The following SRGAP3 variants were observed in gnomAD, a reference collection of about 807,000 sequenced individuals.
The protein encoded by SRGAP3 is SLIT-ROBO Rho GTPase-activating protein 3.
Under a neutral mutation model 121.1 loss-of-function variants are expected in SRGAP3, and 39 were observed. The ratio of observed to expected loss-of-function variants is 0.32; its 90% confidence interval spans 0.25 to 0.42. The LOEUF (loss-of-function observed/expected upper bound fraction) is 0.42, where lower values mean the gene tolerates loss of function less well. SRGAP3 is among the 10% of genes least tolerant of loss of function. The probability of loss-of-function intolerance (pLI) is 1.00; values close to 1 mark genes in which losing one functional copy is unlikely to be tolerated. For synonymous variants in SRGAP3, 601 were observed against 570.0 expected (o/e 1.05, Z -0.77); for missense variants, 1,213 against 1,470.6 (o/e 0.82, Z 2.86).
At chr3:9,238,095 A>C (rs964741193) in intron 1 of SRGAP3, among the ~76,000 whole-genome samples, 37 of 152,244 alleles carry the variant, frequency 2.4e-4, no homozygotes, top group African/African-American at 8.7e-4. Flanking sequence ...GTTATACAGA[A>C]CAGCACCTTC....
intron 4 of SRGAP3, among the ~76,000 whole-genome samples, chr3:9,074,612 C>T (rs1214767415): frequency 2.6e-5 from 4 of 152,198 alleles, no homozygotes; most frequent in East Asian, 3.8e-4. Flanking sequence ...TAGAAAGACA[C>T]GCAGTGAGCC....
intron 1 of SRGAP3, among the ~76,000 whole-genome samples, chr3:9,352,328 C>G (rs1411579798): frequency 6.8e-6 from 1 of 146,610 alleles, no homozygotes; most frequent in Non-Finnish European, 1.5e-5. Flanking sequence ...GGCTGAAGCA[C>G]AGTGGCACGA....
Position 8,980,813 on chromosome 3 carries a change from A to G in SRGAP3, c.*4706T>C, listed in dbSNP as rs893540045. On this transcript the variant is annotated 3_prime_UTR_variant, in exon 22 of 22. Coordinates refer to ENST00000383836, the MANE Select transcript of SRGAP3 (RefSeq NM_014850.4). Reference sequence around the variant, plus strand: ...GTTTTGGTCTGTTTTTCCTGTCACAATTTGGGGAGGAAGGAAACCAAAGGA... The same window carrying G: ...GTTTTGGTCTGTTTTTCCTGTCACAGTTTGGGGAGGAAGGAAACCAAAGGA... The G allele has an allele frequency of 1.7e-5, 4 of 232,976 alleles. No homozygotes were observed. Among genetic ancestry groups the G allele is most frequent in the South Asian group, 3.6e-4 (2 of 5,520 alleles). 14.4% of individuals were successfully genotyped at this position (232,976 alleles called of 1,614,324 possible). A position where few individuals can be genotyped will look rare whatever the true frequency, so the allele number is the denominator to read the frequency against.
At chr3:9,181,767 A>G (rs1951410672) in intron 1 of SRGAP3, among the ~76,000 whole-genome samples, 1 of 152,244 alleles carries the variant, frequency 6.6e-6, no homozygotes, top group South Asian at 2.1e-4. Context: ...ACCGCTAGAT[A>G]ATCCAGGATA....
At chr3:9,031,494 C>T (rs942753758) in intron 12 of SRGAP3, among the ~76,000 whole-genome samples, 5 of 152,156 alleles carry the variant, frequency 3.3e-5, no homozygotes, top group African/African-American at 1.2e-4. Flanking sequence ...ATCCTTCGAC[C>T]CTGGGCAGTC....
At chr3:9,127,518 A>C (rs558209731) in intron 1 of SRGAP3, among the ~76,000 whole-genome samples, 34 of 152,152 alleles carry the variant, frequency 2.2e-4, no homozygotes, top group African/African-American at 8.0e-4. Context: ...CCCGATCTCC[A>C]CTCACTGCAA....
chr3:8,992,305 T>A (rs576000852), intron 20 of SRGAP3, among the ~76,000 whole-genome samples: 3 of 152,312 alleles, frequency 2.0e-5, no homozygotes, highest in African/African-American at 7.2e-5. Context: ...ATTAATTTTT[T>A]AAAAAATAAC....
intron 4 of SRGAP3, 106 bp downstream of exon 4, chr3:9,079,919 A>G: frequency 8.0e-7 from 1 of 1,250,222 alleles, no homozygotes; most frequent in South Asian, 1.3e-5. Context: ...AAACGCAGCA[A>G]AAAAGGCCTG....
chr3:9,352,081 A>G (rs2030199749), intron 1 of SRGAP3, among the ~76,000 whole-genome samples: 1 of 151,928 alleles, frequency 6.6e-6, no homozygotes, highest in Non-Finnish European at 1.5e-5. Context: ...AGGCCATCTA[A>G]TCGACACTCT....
chr3:9,157,895 G>A (rs748665701), intron 1 of SRGAP3, among the ~76,000 whole-genome samples: 1 of 152,218 alleles, frequency 6.6e-6, no homozygotes, highest in Non-Finnish European at 1.5e-5. Context: ...TTTTCAGCTC[G>A]AGGGAAGATT....
intron 1 of SRGAP3, among the ~76,000 whole-genome samples, chr3:9,191,362 T>C (rs1353645141): frequency 6.6e-6 from 1 of 152,256 alleles, no homozygotes; most frequent in Non-Finnish European, 1.5e-5. Flanking sequence ...AACATTTTAA[T>C]GGACTGCACA....
At chr3:9,101,437 G>C (rs1196957500) in intron 3 of SRGAP3, among the ~76,000 whole-genome samples, 4 of 152,200 alleles carry the variant, frequency 2.6e-5, no homozygotes, top group South Asian at 4.1e-4. Context: ...CGCAGCACCC[G>C]GTGTGCTCAC....
chr3:9,245,179 T>C (rs1303329686), intron 1 of SRGAP3, among the ~76,000 whole-genome samples: 2 of 149,126 alleles, frequency 1.3e-5, no homozygotes, highest in South Asian at 2.2e-4. Flanking sequence ...TGTTGAAAAA[T>C]TGAAAAATCT....
Position 8,984,863 on chromosome 3 carries a change from G to T in SRGAP3, c.*656C>A. 4.4e-6 allele frequency: 1 copy of T among 229,672 alleles called. No individual in the cohort carries two copies. Among genetic ancestry groups the T allele is most frequent in the Non-Finnish European group, 8.6e-6 (1 of 115,690 alleles). 14.2% of individuals were successfully genotyped at this position (229,672 alleles called of 1,614,324 possible). A position where few individuals can be genotyped will look rare whatever the true frequency, so the allele number is the denominator to read the frequency against. On this transcript the variant is annotated 3_prime_UTR_variant, in exon 22 of 22. Coordinates refer to ENST00000383836, the MANE Select transcript of SRGAP3 (RefSeq NM_014850.4). ...CGACTTCTGGAGACAGTGGGAGTCT[G>T]TTTTTGTTTGTGTTTTTCTGCAGGT...
At chr3:9,181,302 A>C (rs1211455711) in intron 1 of SRGAP3, among the ~76,000 whole-genome samples, 2 of 152,148 alleles carry the variant, frequency 1.3e-5, no homozygotes, top group Non-Finnish European at 2.9e-5. Context: ...AAGGCATTGA[A>C]GGGCCAGCCA....
In SRGAP3 at chr3:9,249,296, C is replaced by T. The variant is rs1168046876; in HGVS notation, c.-345G>A. The T allele has an allele frequency of 2.2e-6, 1 of 447,270 alleles. No homozygotes were observed. The highest frequency in any genetic ancestry group is 4.2e-6 in the Non-Finnish European group (1 of 240,570). 27.7% of individuals were successfully genotyped at this position (447,270 alleles called of 1,614,324 possible). A position where few individuals can be genotyped will look rare whatever the true frequency, so the allele number is the denominator to read the frequency against. ...CCAAGCGCACTCACACACACATGCACACGTACACACACTCACGCATGCACA... is the reference window on the plus strand; with the variant it reads ...CCAAGCGCACTCACACACACATGCATACGTACACACACTCACGCATGCACA... On this transcript the variant is annotated 5_prime_UTR_variant, in exon 1 of 22. It adds an upstream start codon to the 5' untranslated region. Coordinates refer to ENST00000383836, the MANE Select transcript of SRGAP3 (RefSeq NM_014850.4).
chr3:9,323,798 A>AACACACAC (rs139013302), intron 3 of SRGAP3, among the ~76,000 whole-genome samples: 22,749 of 148,656 alleles, frequency 0.15, 1,863 homozygotes, highest in South Asian at 0.26. Flanking sequence ...CTGTGTATCT[A>AACACACAC]ACACACACAC....
At chr3:9,235,071 G>C (rs747949244) in intron 1 of SRGAP3, among the ~76,000 whole-genome samples, 1 of 152,162 alleles carries the variant, frequency 6.6e-6, no homozygotes, top group Non-Finnish European at 1.5e-5. Context: ...AAAGACCTGA[G>C]ACAGAAGTGA....
chr3:9,104,109 A>G (rs1194739137), intron 3 of SRGAP3, among the ~76,000 whole-genome samples: 1 of 152,242 alleles, frequency 6.6e-6, no homozygotes, highest in Non-Finnish European at 1.5e-5. Context: ...AATACTGTGT[A>G]ATCATTCAAA....
Sources: allele counts gnomAD v4.1 joint callset (sites outside exome capture counted in the v4.1 genomes callset), GRCh38; gene constraint gnomAD v4.1.1; transcripts MANE v1.5; gene names NCBI Gene and HGNC (gene_info 2026-07-23, HGNC 2026-07-21).